Variants in TAFA2 observed in about 807,000 individuals in gnomAD.
TAFA2 encodes TAFA chemokine like family member 2.
Under a neutral mutation model 18.8 loss-of-function variants are expected in TAFA2, and 7 were observed. The observed-to-expected ratio is 0.37, with a 90% CI of 0.21 to 0.70. TAFA2 has a LOEUF of 0.70. Among genes scored for constraint, TAFA2 ranks in the 30% least tolerant of loss-of-function variants. The pLI is 0.53. For synonymous variants in TAFA2, 60 were observed against 54.2 expected, an observed-to-expected ratio of 1.11 and a Z score of -0.47; for missense variants, 122 against 158.1, an observed-to-expected ratio of 0.77 and a Z score of 1.23.
intron 2 of TAFA2, among the ~76,000 whole-genome samples, chr12:61,769,785 G>T: frequency 6.6e-6 from 1 of 152,056 alleles, no homozygotes; most frequent in East Asian, 1.9e-4. Context: ...CTATCCAAAT[G>T]AGAAGAAATC....
chr12:61,949,636 A>G (rs1441600941), intron 1 of TAFA2, among the ~76,000 whole-genome samples: 1 of 152,098 alleles, frequency 6.6e-6, no homozygotes, highest in African/African-American at 2.4e-5. Flanking sequence ...AGCCTCCATA[A>G]TCATTTCTTA....
intron 2 of TAFA2, among the ~76,000 whole-genome samples, chr12:61,765,763 A>G (rs1000158115): frequency 6.6e-6 from 1 of 152,080 alleles, no homozygotes; most frequent in African/African-American, 2.4e-5. Flanking sequence ...CCTTGTATAT[A>G]TTTATGTAAT....
chr12:61,760,751 T>C (rs1869506412), intron 2 of TAFA2, among the ~76,000 whole-genome samples: 1 of 150,788 alleles, frequency 6.6e-6, no homozygotes, highest in Non-Finnish European at 1.5e-5. Flanking sequence ...CTTTCCAAAT[T>C]AACAAAATAG....
chr12:62,208,088 G>C (rs895951892), intron 1 of TAFA2, among the ~76,000 whole-genome samples: 1 of 152,112 alleles, frequency 6.6e-6, no homozygotes, highest in Admixed American at 6.5e-5. Context: ...AAGAGTCCAT[G>C]GGAAAATCTA....
At chr12:62,103,879 C>CA (rs1293604788) in intron 1 of TAFA2, among the ~76,000 whole-genome samples, 1 of 152,190 alleles carries the variant, frequency 6.6e-6, no homozygotes, top group Non-Finnish European at 1.5e-5. Flanking sequence ...TGCTCAGACT[C>CA]AGAGACAAAA....
rs570161262 is a variant in TAFA2 at position 61,781,603 on chromosome 12, A to G, written c.107-26579T>C. Among the ~76,000 whole-genome samples, 43 of 151,620 alleles carry G rather than the reference A, an allele frequency of 2.8e-4. No individual in the cohort carries two copies. The South Asian group carries it at 7.5e-3, about 26-fold the overall frequency. ...TGTGTGCATGTGTGTTTGTGTGTGT[A>G]TGTGTGTGTACCATGGCCTCAGGCA... On this transcript the variant is annotated intron_variant, in intron 2 of 4. Coordinates refer to ENST00000416284, the MANE Select transcript of TAFA2 (RefSeq NM_178539.5).
chr12:62,247,377 C>CT (rs755590259), intron 1 of TAFA2, among the ~76,000 whole-genome samples: 8 of 152,186 alleles, frequency 5.3e-5, no homozygotes, highest in African/African-American at 1.9e-4. Context: ...TGAGAGCACT[C>CT]TAATTCCACT....
At chr12:61,746,775 G>A (rs1222223127) in intron 4 of TAFA2, among the ~76,000 whole-genome samples, 1 of 152,100 alleles carries the variant, frequency 6.6e-6, no homozygotes. Context: ...TGTTTTCAGT[G>A]CTCTGACCAG....
chr12:61,796,320 TATACA>T (rs754634035), intron 2 of TAFA2, among the ~76,000 whole-genome samples: 252 of 152,248 alleles, frequency 1.7e-3, no homozygotes, highest in Middle Eastern at 6.8e-3. Context: ...TTGGCATAAC[TATACA>T]ATATAATACC....
At chr12:62,160,634 G>C (rs967498064) in intron 1 of TAFA2, among the ~76,000 whole-genome samples, 2 of 152,220 alleles carry the variant, frequency 1.3e-5, no homozygotes, top group African/African-American at 4.8e-5. Flanking sequence ...TTCAGCATAT[G>C]ACAGACGCTT....
intron 4 of TAFA2, chr12:61,720,760 TC>T (rs1259023369): frequency 2.6e-6 from 1 of 384,098 alleles, no homozygotes; most frequent in Admixed American, 3.4e-5. Context: ...GAAACTTCTG[TC>T]CCTTCCTTAG....
At chr12:62,174,157 T>C (rs2062496587) in intron 1 of TAFA2, among the ~76,000 whole-genome samples, 1 of 152,070 alleles carries the variant, frequency 6.6e-6, no homozygotes, top group Admixed American at 6.6e-5. Flanking sequence ...GCCGGTGTGG[T>C]GGCGCACGCC....
At chr12:62,235,857 C>G (rs907140853) in intron 1 of TAFA2, among the ~76,000 whole-genome samples, 1 of 151,968 alleles carries the variant, frequency 6.6e-6, no homozygotes, top group Non-Finnish European at 1.5e-5. Context: ...GCTGGGACTA[C>G]GGGTTCATGG....
intron 1 of TAFA2, among the ~76,000 whole-genome samples, chr12:61,949,139 C>A (rs1182912734): frequency 1.3e-5 from 2 of 152,130 alleles, no homozygotes; most frequent in East Asian, 1.9e-4. Context: ...AGATTGTCCT[C>A]CCTACTGTGG....
chr12:62,084,579 C>G (rs1868379099), intron 1 of TAFA2, among the ~76,000 whole-genome samples: 1 of 152,100 alleles, frequency 6.6e-6, no homozygotes, highest in African/African-American at 2.4e-5. Context: ...TAGTCAAAAG[C>G]AAATTTCCTC....
chr12:61,747,610 C>A (rs1868785661), intron 4 of TAFA2, among the ~76,000 whole-genome samples: 1 of 150,206 alleles, frequency 6.7e-6, no homozygotes, highest in Non-Finnish European at 1.5e-5. Flanking sequence ...TAAACTATGG[C>A]AAGAACAAAA....
chr12:61,991,044 A>G (rs1879991647), intron 1 of TAFA2, among the ~76,000 whole-genome samples: 1 of 152,236 alleles, frequency 6.6e-6, no homozygotes, highest in Admixed American at 6.5e-5. Context: ...AATTTAGAAG[A>G]CAATAAACTG....
At chr12:62,213,320 G>A (rs915283117) in intron 1 of TAFA2, among the ~76,000 whole-genome samples, 2 of 152,148 alleles carry the variant, frequency 1.3e-5, no homozygotes, top group African/African-American at 4.8e-5. Context: ...GAACCATTTA[G>A]GTAAGTTCAA....
chr12:62,141,623 T>C (rs965997453), intron 1 of TAFA2, among the ~76,000 whole-genome samples: 4 of 152,234 alleles, frequency 2.6e-5, no homozygotes, highest in African/African-American at 9.6e-5. Flanking sequence ...TAGTGAGTAA[T>C]CTTTTGATTT....
Sources: gnomAD v4.1 joint callset for allele counts (sites outside exome capture counted in the v4.1 genomes callset) on GRCh38, gnomAD v4.1.1 for gene constraint, MANE v1.5 for transcripts, NCBI Gene and HGNC (gene_info 2026-07-23, HGNC 2026-07-21) for gene names.